LRBA: variants seen among roughly 807,000 people sequenced by gnomAD.
The protein encoded by LRBA is LPS responsive beige-like anchor protein, also known as lipopolysaccharide-responsive and beige-like anchor protein.
Under a neutral mutation model 330.0 loss-of-function variants are expected in LRBA, and 176 were observed. The observed-to-expected ratio is 0.53, with a 90% CI of 0.47 to 0.60. The LOEUF is 0.60. Ranked by LOEUF, LRBA falls within the 20% of genes least tolerant of loss-of-function variation. The probability of loss-of-function intolerance (pLI) is 0.00; values close to 1 mark genes in which losing one functional copy is unlikely to be tolerated. For synonymous variants in LRBA, 1,230 were observed against 1,193.0 expected (o/e 1.03, Z -0.64); for missense variants, 3,259 against 3,444.8 (o/e 0.95, Z 1.35).
chr4:150,494,937 T>C (rs1455661211), intron 40 of LRBA, among the ~76,000 whole-genome samples: 3 of 150,970 alleles, frequency 2.0e-5, no homozygotes, highest in Non-Finnish European at 4.4e-5. Context: ...GAGGCGGAGC[T>C]TGCAGTGAGC....
At chr4:150,906,021 A>G (rs1325202277) in intron 12 of LRBA, 31 bp from the exon 13 acceptor site, 1 of 1,600,360 alleles carries the variant, frequency 6.2e-7, no homozygotes. Context: ...ATGTTACCAC[A>G]AATTCAAGTC....
intron 4 of LRBA, among the ~76,000 whole-genome samples, chr4:150,922,355 C>G (rs1733378456): frequency 6.7e-6 from 1 of 149,842 alleles, no homozygotes; most frequent in Non-Finnish European, 1.5e-5. Context: ...GGAACCTACC[C>G]AAATGCCCAT....
At chr4:150,411,238 A>G (rs1053894886) in intron 47 of LRBA, among the ~76,000 whole-genome samples, 1 of 152,180 alleles carries the variant, frequency 6.6e-6, no homozygotes, top group African/African-American at 2.4e-5. Flanking sequence ...CCATCCACTT[A>G]GCCAGTTTTC....
Position 150,906,327 on chromosome 4 carries a change from G to GGTAATAT in LRBA, c.1571_1572insATATTAC (p.Phe525TyrfsTer9), listed in dbSNP as rs770316099. 1 of 1,607,730 alleles carries GGTAATAT rather than the reference G, an allele frequency of 6.2e-7. No individual in the cohort carries two copies. The highest frequency in any genetic ancestry group is 1.7e-5 in the Admixed American group (1 of 59,932). Reference sequence around the variant, plus strand: ...CAAGGCTATATCCTATTACCAAGAAGCCCTTACAGGCAAGCATCTGTTCCT... The same window carrying GGTAATAT: ...CAAGGCTATATCCTATTACCAAGAAGGTAATATCCCTTACAGGCAAGCATCTGTTCCT... On this transcript the variant is annotated frameshift_variant, in exon 12 of 57. Transcript: ENST00000651943. LOFTEE classifies it high-confidence loss of function.
chr4:150,904,360 C>A (rs568286730), intron 13 of LRBA, among the ~76,000 whole-genome samples: 4 of 152,070 alleles, frequency 2.6e-5, no homozygotes, highest in Non-Finnish European at 5.9e-5. Context: ...AAAATAAAAG[C>A]AGATAAAACC....
At chr4:150,385,683 A>T (rs1370998026) in intron 47 of LRBA, among the ~76,000 whole-genome samples, 1 of 152,188 alleles carries the variant, frequency 6.6e-6, no homozygotes, top group Non-Finnish European at 1.5e-5. Context: ...AGGGGTTGAA[A>T]GCTACTACTG....
At chr4:150,582,929 C>G (rs1771581736) in intron 40 of LRBA, 3 of 1,394,968 alleles carry the variant, frequency 2.2e-6, no homozygotes, top group African/African-American at 1.4e-5. Flanking sequence ...GGGGAGCGCA[C>G]CGCCTCTTTC....
intron 2 of LRBA, among the ~76,000 whole-genome samples, chr4:150,954,333 A>G (rs1156452807): frequency 6.6e-6 from 1 of 152,188 alleles, no homozygotes. Flanking sequence ...AAAAGGGGGA[A>G]ATGTGGGGAA....
intron 17 of LRBA, among the ~76,000 whole-genome samples, chr4:150,878,314 G>A (rs373533643): frequency 2.9e-4 from 44 of 152,138 alleles, no homozygotes; most frequent in African/African-American, 1.1e-3. Context: ...ACTCCAGCCT[G>A]GGTGACAGAG....
intron 33 of LRBA, among the ~76,000 whole-genome samples, chr4:150,805,285 G>GGAGGAAAGGA (rs1742450012): frequency 2.6e-5 from 1 of 39,210 alleles, no homozygotes; most frequent in Admixed American, 4.8e-4. Context: ...AAGGAAAGGA[G>GGAGGAAAGGA]AAGGAAAGGA....
rs182051739 is a variant in LRBA at position 150,402,078 on chromosome 4, C to A, written c.7194+13360G>T. On this transcript the variant is annotated intron_variant, in intron 47 of 56. Coordinates refer to ENST00000651943, the MANE Select transcript of LRBA (RefSeq NM_001364905.1). The stretch of plus-strand genomic sequence containing the variant: ...GGCCGAGACGGGCAAATCATAAGGT[C>A]AGGAGATCGAGATCATCCTGACTAA... 4.1e-5 allele frequency among the ~76,000 whole-genome samples: 6 copies of A among 148,082 alleles called. No homozygotes were observed. In the East Asian group the frequency reaches 1.2e-3, roughly 29 times the overall value.
At chr4:150,473,102 A>G (rs1350293433) in intron 42 of LRBA, among the ~76,000 whole-genome samples, 1 of 152,152 alleles carries the variant, frequency 6.6e-6, no homozygotes, top group Non-Finnish European at 1.5e-5. Flanking sequence ...CCAATCAATA[A>G]TGTATACATT....
intron 2 of LRBA, among the ~76,000 whole-genome samples, chr4:150,985,700 G>A (rs1221054667): frequency 6.6e-6 from 1 of 151,950 alleles, no homozygotes; most frequent in Non-Finnish European, 1.5e-5. Flanking sequence ...GGATTTCATC[G>A]TGTTAGCCAG....
intron 47 of LRBA, among the ~76,000 whole-genome samples, chr4:150,401,996 G>T (rs1218882237): frequency 6.6e-6 from 1 of 151,996 alleles, no homozygotes; most frequent in African/African-American, 2.4e-5. Context: ...CCTGAGAAAA[G>T]TGTATAAGAA....
chr4:150,385,283 A>AC lies in LRBA; in HGVS notation c.7194+30154dup, dbSNP rs1742896392. On this transcript the variant is annotated intron_variant, in intron 47 of 56. Transcript: ENST00000651943. ...TCTTCACAACTCTTTATGTAAAAGC[A>AC]CAAAAAAAACAAAAACACAAACCTA... Among the ~76,000 whole-genome samples, 5 of 152,302 alleles carry AC rather than the reference A, an allele frequency of 3.3e-5. No homozygotes were observed. The South Asian group carries it at 1.0e-3, about 32-fold the overall frequency.
At chr4:150,515,946 G>T (rs1762287658) in intron 40 of LRBA, among the ~76,000 whole-genome samples, 1 of 151,798 alleles carries the variant, frequency 6.6e-6, no homozygotes. Flanking sequence ...TTTTATAATA[G>T]TAAGAAAATA....
chr4:150,343,447 G>A (rs1256978422), intron 48 of LRBA, among the ~76,000 whole-genome samples: 1 of 152,136 alleles, frequency 6.6e-6, no homozygotes, highest in Non-Finnish European at 1.5e-5. Flanking sequence ...TGCCTGTCTT[G>A]CTCATCTCCA....
At chr4:150,414,196 A>G (rs1484428222) in intron 47 of LRBA, among the ~76,000 whole-genome samples, 2 of 152,338 alleles carry the variant, frequency 1.3e-5, no homozygotes, top group South Asian at 2.1e-4. Flanking sequence ...AGGTCCCACA[A>G]TCAGCAATGT....
In LRBA at chr4:150,344,196, A is replaced by G. The variant is rs372706201; in HGVS notation, c.7362+5796T>C. 1.2e-4 allele frequency among the ~76,000 whole-genome samples: 19 copies of G among 152,350 alleles called. No individual in the cohort carries two copies. In the East Asian group the frequency reaches 1.9e-3, roughly 15 times the overall value. On this transcript the variant is annotated intron_variant, in intron 48 of 56. Transcript: ENST00000651943. ...CTTTAGAGCAACTGCTGGCGCATAT[A>G]AAGATTTCTTTTTGTGGTGACAAAA... is the stretch of plus-strand genomic sequence containing the variant.
Sources: gnomAD v4.1 joint callset for allele counts (sites outside exome capture counted in the v4.1 genomes callset) on GRCh38, gnomAD v4.1.1 for gene constraint, MANE v1.5 for transcripts, NCBI Gene and HGNC (gene_info 2026-07-23, HGNC 2026-07-21) for gene names.